The following MTFR1 variants were observed in gnomAD, a reference collection of about 807,000 sequenced individuals.
MTFR1 encodes chondrocyte protein with a poly-proline region.
A neutral mutation model predicts 38.8 loss-of-function variants in MTFR1; 28 were observed. That is an observed-to-expected ratio of 0.72 (90% CI 0.53 to 0.99). The LOEUF is 0.99. Among genes scored for constraint, MTFR1 ranks in the 50% least tolerant of loss-of-function variants. The pLI, the probability that MTFR1 is intolerant of heterozygous loss-of-function variation, is 0.00. For synonymous variants in MTFR1, 145 were observed against 137.0 expected (o/e 1.06, Z -0.41); for missense variants, 358 against 395.5 (o/e 0.91, Z 0.81).
intron 3 of MTFR1, among the ~76,000 whole-genome samples, chr8:65,750,173 G>T (rs1231582564): frequency 6.6e-6 from 1 of 152,146 alleles, no homozygotes; most frequent in Non-Finnish European, 1.5e-5. Flanking sequence ...AGAAGGCAAA[G>T]ATTATCATCT....
intron 3 of MTFR1, among the ~76,000 whole-genome samples, chr8:65,762,715 AT>A (rs201855355): frequency 1.3e-5 from 2 of 151,038 alleles, no homozygotes; most frequent in African/African-American, 2.4e-5. Flanking sequence ...ATGTCATACC[AT>A]TTTTTTTAAC....
At chr8:65,694,832 C>CCAAGTAAA (rs1805386924) in intron 4 of MTFR1, among the ~76,000 whole-genome samples, 1 of 152,170 alleles carries the variant, frequency 6.6e-6, no homozygotes, top group Non-Finnish European at 1.5e-5. Context: ...AAATGGAAGG[C>CCAAGTAAA]TGGTATTCCT....
chr8:65,741,347 G>A (rs955009172), intron 3 of MTFR1, among the ~76,000 whole-genome samples: 1 of 151,962 alleles, frequency 6.6e-6, no homozygotes, highest in African/African-American at 2.4e-5. Context: ...AGACATACTA[G>A]TCCCAAATTG....
At chr8:65,707,374 A>G in intron 6 of MTFR1, 118 bp downstream of exon 6, 1 of 1,101,344 alleles carries the variant, frequency 9.1e-7, no homozygotes, top group Non-Finnish European at 1.3e-6. Context: ...TTAGTTTAAA[A>G]AAAAGATGAG....
intron 4 of MTFR1, among the ~76,000 whole-genome samples, chr8:65,695,572 G>T (rs1481639745): frequency 6.6e-6 from 1 of 152,148 alleles, no homozygotes; most frequent in Admixed American, 6.5e-5. Flanking sequence ...GGCCAGGCTG[G>T]TCTTGAACTC....
chr8:65,689,801 C>G (rs1447931875), intron 3 of MTFR1, among the ~76,000 whole-genome samples: 4 of 151,930 alleles, frequency 2.6e-5, no homozygotes, highest in Admixed American at 2.0e-4. Flanking sequence ...ACACCTGAAA[C>G]GGCCTTTTAT....
At chr8:65,705,108 G>A (rs1453671506) in intron 5 of MTFR1, among the ~76,000 whole-genome samples, 179 bp downstream of exon 5, 2 of 152,088 alleles carry the variant, frequency 1.3e-5, no homozygotes, top group Admixed American at 6.6e-5. Context: ...GGCAGATCAC[G>A]AGGTCAGGAG....
At chr8:65,767,796 A>G (rs1294812028) in intron 3 of MTFR1, among the ~76,000 whole-genome samples, 1 of 152,120 alleles carries the variant, frequency 6.6e-6, no homozygotes, top group Non-Finnish European at 1.5e-5. Flanking sequence ...CTTCATCTGG[A>G]TCCTTTGCAA....
chr8:65,670,132 T>G (rs1804528763), intron 2 of MTFR1, 114 bp downstream of exon 2: 3 of 828,650 alleles, frequency 3.6e-6, no homozygotes, highest in Non-Finnish European at 5.6e-6. Context: ...AATATGTTTA[T>G]GTACTGTTTA....
intron 1 of MTFR1, among the ~76,000 whole-genome samples, chr8:65,651,967 T>C (rs1385166769): frequency 6.6e-6 from 1 of 151,992 alleles, no homozygotes; most frequent in Non-Finnish European, 1.5e-5. Context: ...CCTTTAATTT[T>C]TTTTTTTTTC....
rs553721815 is a variant in MTFR1 at position 65,757,650 on chromosome 8, G to A, written c.*49-13297G>A. Among the ~76,000 whole-genome samples, 588 of 152,142 alleles carry A rather than the reference G, an allele frequency of 3.9e-3. 1 individual carries two copies. Among genetic ancestry groups the A allele is most frequent in the Non-Finnish European group, 6.2e-3 (423 of 67,994 alleles). Reference sequence around the variant, plus strand: ...TGTTTGTTTTTTAAGACTGAGTCTCGCTCTGTCGCCCAGGCTGAAGTGCAG... The same window carrying A: ...TGTTTGTTTTTTAAGACTGAGTCTCACTCTGTCGCCCAGGCTGAAGTGCAG... On this transcript the variant is annotated intron_variant, in intron 3 of 3. Coordinates refer to the MTFR1 transcript ENST00000521247.
chr8:65,747,191 T>C (rs1257075017), intron 3 of MTFR1, among the ~76,000 whole-genome samples: 2 of 151,758 alleles, frequency 1.3e-5, no homozygotes, highest in African/African-American at 4.8e-5. Flanking sequence ...ATGTTATTAA[T>C]ACACACACAC....
chr8:65,688,976 C>T (rs1805189431), intron 3 of MTFR1, among the ~76,000 whole-genome samples: 1 of 151,912 alleles, frequency 6.6e-6, no homozygotes, highest in Admixed American at 6.6e-5. Flanking sequence ...GAAACCCCAT[C>T]TCTACTAAAA....
chr8:65,646,423 T>C (rs1345876061), intron 1 of MTFR1, among the ~76,000 whole-genome samples: 1 of 152,166 alleles, frequency 6.6e-6, no homozygotes, highest in African/African-American at 2.4e-5. Context: ...AAATTATTTC[T>C]GTTAAGCCAC....
chr8:65,650,396 ACTCCTGAC>A (rs1337896618), intron 1 of MTFR1, among the ~76,000 whole-genome samples: 1 of 148,624 alleles, frequency 6.7e-6, no homozygotes, highest in East Asian at 2.0e-4. Flanking sequence ...CTGATGTTGA[ACTCCTGAC>A]CTTGTGATCC....
intron 3 of MTFR1, among the ~76,000 whole-genome samples, chr8:65,683,123 T>G (rs1394904772): frequency 1.3e-5 from 2 of 148,712 alleles, no homozygotes; most frequent in Non-Finnish European, 3.0e-5. Context: ...TACTTTTGTT[T>G]CTTTCTTTCT....
chr8:65,763,070 T>C (rs1808593228), intron 3 of MTFR1, among the ~76,000 whole-genome samples: 1 of 151,136 alleles, frequency 6.6e-6, no homozygotes, highest in African/African-American at 2.4e-5. Flanking sequence ...AACTTCAGTA[T>C]GAACCAAAGA....
intron 1 of MTFR1, among the ~76,000 whole-genome samples, chr8:65,666,157 A>C (rs1182602801): frequency 6.6e-6 from 1 of 152,268 alleles, no homozygotes; most frequent in African/African-American, 2.4e-5. Context: ...CTGTAATCCC[A>C]GCACTTTGGG....
At chr8:65,763,631 G>C (rs888477041) in intron 3 of MTFR1, among the ~76,000 whole-genome samples, 6 of 152,288 alleles carry the variant, frequency 3.9e-5, no homozygotes, top group Admixed American at 1.3e-4. Context: ...TCAGAGCTGG[G>C]ATGTGGGATA....
Sources: allele counts gnomAD v4.1 joint callset (sites outside exome capture counted in the v4.1 genomes callset), GRCh38; gene constraint gnomAD v4.1.1; transcripts MANE v1.5; gene names NCBI Gene and HGNC (gene_info 2026-07-23, HGNC 2026-07-21).